The following L3MBTL4 variants were observed in gnomAD, a reference collection of about 807,000 sequenced individuals.
L3MBTL4 encodes L3MBTL histone methyl-lysine binding protein 4, also known as lethal(3)malignant brain tumor-like protein 4.
A neutral mutation model predicts 84.5 loss-of-function variants in L3MBTL4; 70 were observed. The observed-to-expected ratio is 0.83, with a 90% CI of 0.68 to 1.01. The LOEUF (loss-of-function observed/expected upper bound fraction) is 1.01. Ranked by LOEUF, L3MBTL4 falls within the 50% of genes least tolerant of loss-of-function variation. The pLI is 0.00. For synonymous variants in L3MBTL4, 274 were observed against 259.8 expected (o/e 1.05, Z -0.52); for missense variants, 715 against 754.8 (o/e 0.95, Z 0.62).
chr18:5,956,475 G>A, intron 18 of L3MBTL4, 88 bp from the exon 19 acceptor site: 1 of 1,235,734 alleles, frequency 8.1e-7, no homozygotes, highest in Non-Finnish European at 1.2e-6. Flanking sequence ...TGAGTGTGAT[G>A]TGGAACCCGT....
At chr18:5,981,632 A>C (rs12326367) in intron 16 of L3MBTL4, among the ~76,000 whole-genome samples, 2,533 of 150,586 alleles carry the variant, frequency 0.017, 75 homozygotes, top group African/African-American at 0.06. Context: ...CCTGGGCAAC[A>C]CAGCAAGACT....
At chr18:6,320,906 T>G (rs2051369134) in intron 1 of L3MBTL4, among the ~76,000 whole-genome samples, 1 of 151,994 alleles carries the variant, frequency 6.6e-6, no homozygotes, top group Non-Finnish European at 1.5e-5. Context: ...TGAGGACCAA[T>G]GTAACAGAAT....
Position 6,171,891 on chromosome 18 carries a change from T to C in L3MBTL4, c.1033A>G (p.Ser345Gly), listed in dbSNP as rs2043989428. 3.9e-6 allele frequency: 6 copies of C among 1,557,888 alleles called. No individual in the cohort carries two copies. Among genetic ancestry groups the C allele is most frequent in the Non-Finnish European group, 5.2e-6 (6 of 1,149,598 alleles). ...HKYDYWVEAD[S>G]PDIHPIGWCD... The stretch of plus-strand genomic sequence containing the variant: ...CATCCGATCGGGTGGATATCAGGGC[T>C]GTCTGCCTCCACCCAGTAGTCATAC... Residue 345 changes from serine (S) to glycine (G), a missense_variant, in exon 13 of 19, where the codon AGC becomes GGC. Ser to Gly is a moderately conservative substitution (Grantham distance 56). Transcript: ENST00000317931.
chr18:6,389,745 A>C (rs945068211), intron 1 of L3MBTL4, among the ~76,000 whole-genome samples: 1 of 152,186 alleles, frequency 6.6e-6, no homozygotes, highest in Admixed American at 6.5e-5. Flanking sequence ...GTCCAACAGG[A>C]AACTATCACC....
intron 13 of L3MBTL4, among the ~76,000 whole-genome samples, chr18:6,141,427 C>T (rs1025556351): frequency 5.1e-4 from 77 of 152,128 alleles, no homozygotes; most frequent in Non-Finnish European, 6.5e-4. Flanking sequence ...ACCAATGTAT[C>T]CACCTTTCCA....
rs537426314 is a variant in L3MBTL4, at chr18:6,301,208, T to C, written c.127+695A>G. ...AAGCTTCCTCAACAAAATGTTAAGG[T>C]ACTTTAAAAGTTAATTAGAGGACCA... On this transcript the variant is annotated intron_variant, in intron 4 of 18. Coordinates refer to ENST00000317931, the MANE Select transcript of L3MBTL4 (RefSeq NM_001330559.2). 4.6e-5 allele frequency among the ~76,000 whole-genome samples: 7 copies of C among 152,304 alleles called. No individual in the cohort carries two copies. The East Asian group carries it at 1.3e-3, about 29-fold the overall frequency.
At chr18:5,981,643 C>G (rs2053221429) in intron 16 of L3MBTL4, among the ~76,000 whole-genome samples, 1 of 145,648 alleles carries the variant, frequency 6.9e-6, no homozygotes, top group African/African-American at 2.7e-5. Flanking sequence ...CAGCAAGACT[C>G]CTTTCTTTGA....
At chr18:6,316,530 G>A (rs1157431563) in intron 1 of L3MBTL4, among the ~76,000 whole-genome samples, 1 of 152,134 alleles carries the variant, frequency 6.6e-6, no homozygotes, top group East Asian at 1.9e-4. Context: ...ACACAGCTGG[G>A]GCTTCTCCCA....
At chr18:6,362,942 T>C (rs532231825) in intron 1 of L3MBTL4, among the ~76,000 whole-genome samples, 1 of 152,348 alleles carries the variant, frequency 6.6e-6, no homozygotes, top group Non-Finnish European at 1.5e-5. Flanking sequence ...CATACTCTGA[T>C]GCCCGCGGAA....
intron 5 of L3MBTL4, among the ~76,000 whole-genome samples, chr18:6,246,733 A>C (rs557764429): frequency 7.2e-4 from 110 of 152,222 alleles, no homozygotes; most frequent in African/African-American, 2.5e-3. Context: ...GCGAAACCCC[A>C]TCTCTACTAA....
At chr18:6,053,405 C>A (rs2056903145) in intron 16 of L3MBTL4, among the ~76,000 whole-genome samples, 2 of 152,128 alleles carry the variant, frequency 1.3e-5, no homozygotes, top group Non-Finnish European at 2.9e-5. Context: ...TATGTCCAAT[C>A]CTAACGAAAT....
intron 5 of L3MBTL4, among the ~76,000 whole-genome samples, chr18:6,246,040 A>G (rs2047650963): frequency 6.6e-6 from 1 of 152,180 alleles, no homozygotes; most frequent in African/African-American, 2.4e-5. Context: ...AATAGTCCAT[A>G]CTTGAATTGA....
chr18:5,958,692 A>T (rs756039314), intron 18 of L3MBTL4, among the ~76,000 whole-genome samples: 6 of 152,196 alleles, frequency 3.9e-5, no homozygotes, highest in Non-Finnish European at 7.4e-5. Flanking sequence ...TCTGCTATAT[A>T]CTGCTGCCTT....
chr18:6,283,341 C>T (rs1241295390), intron 4 of L3MBTL4, among the ~76,000 whole-genome samples: 1 of 152,052 alleles, frequency 6.6e-6, no homozygotes, highest in East Asian at 1.9e-4. Context: ...TCAGGAAAGG[C>T]TTGTGAGAAA....
At chr18:6,323,892 A>G (rs1236668139) in intron 1 of L3MBTL4, among the ~76,000 whole-genome samples, 1 of 152,042 alleles carries the variant, frequency 6.6e-6, no homozygotes, top group Non-Finnish European at 1.5e-5. Flanking sequence ...AAGGCCCTGA[A>G]AGCATTTCAG....
intron 16 of L3MBTL4, among the ~76,000 whole-genome samples, chr18:5,971,478 G>A (rs963745224): frequency 6.6e-6 from 1 of 152,140 alleles, no homozygotes; most frequent in Non-Finnish European, 1.5e-5. Flanking sequence ...CATGCCCTGG[G>A]TAAATTAATC....
At chr18:6,326,501 C>A (rs935688186) in intron 1 of L3MBTL4, 1 of 152,230 alleles carries the variant, frequency 6.6e-6, no homozygotes, top group Non-Finnish European at 1.5e-5. Context: ...ATCCAATTGA[C>A]CAATCTTAGA....
intron 14 of L3MBTL4, among the ~76,000 whole-genome samples, chr18:6,123,988 G>A (rs2144371747): frequency 6.6e-6 from 1 of 152,306 alleles, no homozygotes; most frequent in East Asian, 1.9e-4. Flanking sequence ...CATACCAGGT[G>A]TAAGGAAGGC....
At chr18:6,084,008 C>T (rs911918496) in intron 15 of L3MBTL4, among the ~76,000 whole-genome samples, 2 of 152,134 alleles carry the variant, frequency 1.3e-5, no homozygotes, top group African/African-American at 4.8e-5. Context: ...CATTTCTGTG[C>T]TCATTAAGTG....
Sources: allele counts gnomAD v4.1 joint callset (sites outside exome capture counted in the v4.1 genomes callset), GRCh38; gene constraint gnomAD v4.1.1; transcripts MANE v1.5; gene names NCBI Gene and HGNC (gene_info 2026-07-23, HGNC 2026-07-21).